The following CNTNAP2 variants were observed in gnomAD, a reference collection of about 807,000 sequenced individuals.
CNTNAP2 encodes the protein contactin associated protein 2.
Under a neutral mutation model 155.2 loss-of-function variants are expected in CNTNAP2, and 98 were observed. The observed-to-expected ratio is 0.63, with a 90% CI of 0.54 to 0.75. CNTNAP2 has a LOEUF of 0.75. CNTNAP2 is among the 30% of genes least tolerant of loss of function. The pLI is 0.00. For missense variants in CNTNAP2, 1,727 were observed against 1,688.1 expected (o/e 1.02, Z -0.40); for synonymous variants, 651 against 631.2 (o/e 1.03, Z -0.47).
chr7:146,291,214 A>G (rs1800423254), intron 1 of CNTNAP2, among the ~76,000 whole-genome samples: 1 of 152,224 alleles, frequency 6.6e-6, no homozygotes, highest in South Asian at 2.1e-4. Flanking sequence ...AATAAAAAAT[A>G]GAAAGCATGT....
At chr7:146,414,045 C>A (rs1795903576) in intron 1 of CNTNAP2, among the ~76,000 whole-genome samples, 1 of 152,112 alleles carries the variant, frequency 6.6e-6, no homozygotes, top group Non-Finnish European at 1.5e-5. Flanking sequence ...GACATGTGAA[C>A]TATGTTAACC....
chr7:148,185,798 G>A (rs1367378496), intron 18 of CNTNAP2, among the ~76,000 whole-genome samples: 1 of 152,126 alleles, frequency 6.6e-6, no homozygotes, highest in African/African-American at 2.4e-5. Flanking sequence ...TGTAAATTCA[G>A]TTAAAAATAT....
intron 15 of CNTNAP2, among the ~76,000 whole-genome samples, chr7:148,108,320 T>C (rs1804267897): frequency 6.6e-6 from 1 of 151,406 alleles, no homozygotes; most frequent in Admixed American, 6.6e-5. Context: ...TGCTCAAGGA[T>C]GATAGCTCTG....
chr7:148,139,586 T>C (rs1805019636), intron 16 of CNTNAP2, among the ~76,000 whole-genome samples: 1 of 152,100 alleles, frequency 6.6e-6, no homozygotes, highest in African/African-American at 2.4e-5. Context: ...TGCAGTGGCG[T>C]GATCTCGGCT....
At position 148,328,976 on chromosome 7, in the gene CNTNAP2, GAAAAAAAA is replaced by G. The variant is rs71188969; in HGVS notation, c.3476-54656_3476-54649del. Among the ~76,000 whole-genome samples the G allele has an allele frequency of 4.3e-3, 299 of 69,254 alleles. 6 individuals carry two copies. Among genetic ancestry groups the G allele is most frequent in the African/African-American group, 0.015 (280 of 19,016 alleles). The allele number at this position is 69,254 out of a possible 152,430, so 45.4% of individuals were successfully genotyped here. Reference sequence around the variant, plus strand: ...AAGCGACAGAGCAAGACTCTGTCTGGAAAAAAAAAAAAAAAAAAAAAAAAGGCCCAAAC... The same window carrying G: ...AAGCGACAGAGCAAGACTCTGTCTGGAAAAAAAAAAAAAAAAGGCCCAAAC... On this transcript the variant is annotated intron_variant, in intron 21 of 23. Coordinates refer to ENST00000361727, the MANE Select transcript of CNTNAP2 (RefSeq NM_014141.6).
chr7:146,182,276 C>T (rs188419454), intron 1 of CNTNAP2, among the ~76,000 whole-genome samples: 18 of 152,184 alleles, frequency 1.2e-4, no homozygotes, highest in Admixed American at 9.8e-4. Context: ...AGGTAGGATA[C>T]TTCACTAGTC....
At chr7:148,198,914 T>C (rs528664023) in intron 18 of CNTNAP2, among the ~76,000 whole-genome samples, 1 of 152,196 alleles carries the variant, frequency 6.6e-6, no homozygotes, top group Admixed American at 6.5e-5. Context: ...CTCATGTGGG[T>C]GCTCAGAGAA....
chr7:146,529,965 A>AAAC (rs59533423), intron 1 of CNTNAP2, among the ~76,000 whole-genome samples: 3,500 of 150,540 alleles, frequency 0.023, 88 homozygotes, highest in African/African-American at 0.06. Flanking sequence ...CTCCGTCTCA[A>AAAC]AACAACAACA....
intron 22 of CNTNAP2, 81 bp from the exon 23 acceptor site, chr7:148,409,310 T>C (rs766748682): frequency 6.5e-6 from 7 of 1,080,662 alleles, no homozygotes; most frequent in South Asian, 2.5e-5. Flanking sequence ...TGTTGAAGAG[T>C]TGCATGAAGA....
chr7:146,689,067 A>G (rs1494446), intron 1 of CNTNAP2, among the ~76,000 whole-genome samples: 21,568 of 152,154 alleles, frequency 0.14, 3,898 homozygotes, highest in African/African-American at 0.42. Flanking sequence ...AAGTCTCTTC[A>G]TATCAGAATT....
chr7:147,712,633 C>T (rs888604546), intron 13 of CNTNAP2, among the ~76,000 whole-genome samples: 26 of 152,136 alleles, frequency 1.7e-4, no homozygotes, highest in Non-Finnish European at 3.4e-4. Flanking sequence ...TCTGAGCAAA[C>T]TATCGCAAGG....
chr7:147,745,967 G>A (rs1208281482), intron 13 of CNTNAP2, among the ~76,000 whole-genome samples: 5 of 152,082 alleles, frequency 3.3e-5, no homozygotes, highest in Non-Finnish European at 7.4e-5. Context: ...TTTTTCATGG[G>A]GTGTAATCTG....
At chr7:148,314,806 A>G (rs1342693275) in intron 21 of CNTNAP2, among the ~76,000 whole-genome samples, 1 of 152,186 alleles carries the variant, frequency 6.6e-6, no homozygotes, top group Non-Finnish European at 1.5e-5. Context: ...TGCCTCTGAA[A>G]TGTGGGTGAA....
intron 3 of CNTNAP2, among the ~76,000 whole-genome samples, chr7:146,947,523 ATGTATGTGTGTGTGTG>A (rs1424061538): frequency 7.7e-6 from 1 of 130,456 alleles, no homozygotes; most frequent in Non-Finnish European, 1.6e-5. Context: ...TATAGTGTGT[ATGTATGTGTGTGTGTG>A]TGTATGTGTG....
chr7:147,815,840 G>A (rs143417162), intron 13 of CNTNAP2, among the ~76,000 whole-genome samples: 4 of 152,308 alleles, frequency 2.6e-5, no homozygotes, highest in Admixed American at 6.5e-5. Flanking sequence ...CCAGGGCTCC[G>A]CGGGCTGCCT....
intron 8 of CNTNAP2, among the ~76,000 whole-genome samples, chr7:147,138,293 T>C (rs1182278450): frequency 6.6e-6 from 1 of 151,904 alleles, no homozygotes; most frequent in East Asian, 1.9e-4. Context: ...ATTCTATTGT[T>C]TGGTGGATCC....
intron 14 of CNTNAP2, among the ~76,000 whole-genome samples, chr7:147,906,063 G>T (rs1799951874): frequency 6.6e-6 from 1 of 152,186 alleles, no homozygotes; most frequent in African/African-American, 2.4e-5. Context: ...TCTTGGAGAA[G>T]AAGCATGACG....
chr7:146,875,483 A>C (rs775315949), intron 3 of CNTNAP2, among the ~76,000 whole-genome samples: 16 of 152,112 alleles, frequency 1.1e-4, no homozygotes, highest in Non-Finnish European at 2.4e-4. Context: ...TCTTTTTTGA[A>C]AGTGCTTTGC....
intron 1 of CNTNAP2, among the ~76,000 whole-genome samples, chr7:146,768,546 G>A (rs1253832928): frequency 3.3e-5 from 5 of 151,984 alleles, no homozygotes; most frequent in South Asian, 2.1e-4. Flanking sequence ...GTCATAACAC[G>A]TGATGCAGGG....
Sources: allele counts gnomAD v4.1 joint callset (sites outside exome capture counted in the v4.1 genomes callset), GRCh38; gene constraint gnomAD v4.1.1; transcripts MANE v1.5; gene names NCBI Gene and HGNC (gene_info 2026-07-23, HGNC 2026-07-21).